The following AMBN variants were observed in gnomAD, a reference collection of about 807,000 sequenced individuals.
AMBN encodes ameloblastin.
A neutral mutation model predicts 48.0 loss-of-function variants in AMBN; 54 were observed. The observed-to-expected ratio is 1.12, with a 90% CI of 0.90 to 1.41. The LOEUF is 1.41. AMBN is among the 40% of genes most tolerant of loss of function. The pLI is 0.00. For missense variants in AMBN, 571 were observed against 547.3 expected (o/e 1.04, Z -0.43); for synonymous variants, 186 against 190.0 (o/e 0.98, Z 0.17).
At chr4:70,593,692 C>G (rs1056057170) in intron 2 of AMBN, among the ~76,000 whole-genome samples, 11 of 152,108 alleles carry the variant, frequency 7.2e-5, no homozygotes, top group Non-Finnish European at 1.5e-4. Flanking sequence ...TGGCTAAACC[C>G]TGTCTCTACT....
At position 70,603,249 on chromosome 4, in the gene AMBN, A is replaced by G. The variant is rs1364746808; in HGVS notation, c.649-11A>G. On this transcript the variant is annotated splice_polypyrimidine_tract_variant and intron_variant, in intron 9 of 12. Coordinates refer to ENST00000322937, the MANE Select transcript of AMBN (RefSeq NM_016519.6). ...GTGAGAATTACTTATTCTGTTTTCT[A>G]CCATTTAAAGATTTTCCAAATAGCC... 6.2e-7 allele frequency: 1 copy of G among 1,611,842 alleles called. No homozygotes were observed. The highest frequency in any genetic ancestry group is 2.2e-5 in the East Asian group (1 of 44,742).
In AMBN at chr4:70,603,131, G is replaced by T. The variant is rs1737563681; in HGVS notation, c.648+121G>T. On this transcript the variant is annotated intron_variant, in intron 9 of 12. Transcript: ENST00000322937. Reference sequence around the variant, plus strand: ...AATATGAAGTATAATGGGTTCCTTTGTTCTCTTAAATATTAAATACTTATT... The same window carrying T: ...AATATGAAGTATAATGGGTTCCTTTTTTCTCTTAAATATTAAATACTTATT... The T allele has an allele frequency of 2.9e-6, 4 of 1,363,236 alleles. No individual in the cohort carries two copies. In the South Asian group the frequency reaches 5.4e-5, roughly 18 times the overall value. 84.4% of individuals were successfully genotyped at this position (1,363,236 alleles called of 1,614,324 possible).
rs760307757 is a variant in AMBN at position 70,595,924 on chromosome 4, G to A, written c.85-1075G>A. Among the ~76,000 whole-genome samples, 7 of 152,322 alleles carry A rather than the reference G, an allele frequency of 4.6e-5. 1 individual carries two copies. The highest frequency in any genetic ancestry group is 1.5e-5 in the Non-Finnish European group (1 of 68,034). ...TCATCCTGGCACTTTGGGAGGCCAA[G>A]GCAGGAGGATTACTTGAGCTCAGGA... is the stretch of plus-strand genomic sequence containing the variant. On this transcript the variant is annotated intron_variant, in intron 2 of 12. Coordinates refer to ENST00000322937, the MANE Select transcript of AMBN (RefSeq NM_016519.6).
rs138033439 is a variant in AMBN, at chr4:70,592,495, G to A, written c.15+122G>A. 54 of 1,086,436 alleles carry A rather than the reference G, an allele frequency of 5.0e-5. No individual in the cohort carries two copies. The African/African-American group carries it at 8.3e-4, about 17-fold the overall frequency. The allele number at this position is 1,086,436 out of a possible 1,614,324, so 67.3% of individuals were successfully genotyped here. A position where few individuals can be genotyped will look rare whatever the true frequency, so the allele number is the denominator to read the frequency against. On this transcript the variant is annotated intron_variant, in intron 1 of 12. Transcript: ENST00000322937. ...ACCAGTAGCTGAATTATTGCTTGTT[G>A]TAATCCATTAGCATGTCCCAGAGAT...
In AMBN at chr4:70,592,314, T is replaced by G. The variant is rs763317455; in HGVS notation, c.-45T>G. The G allele has an allele frequency of 6.2e-7, 1 of 1,611,568 alleles. No homozygotes were observed. The highest frequency in any genetic ancestry group is 1.1e-5 in the South Asian group (1 of 90,870). On this transcript the variant is annotated 5_prime_UTR_variant, in exon 1 of 13. Transcript: ENST00000322937. ...GAAAAAAATTTTAATCTTCTTTTCTTAGAACTATCTTGGTTGGCATCATCA... is the reference window on the plus strand; with the variant it reads ...GAAAAAAATTTTAATCTTCTTTTCTGAGAACTATCTTGGTTGGCATCATCA...
At position 70,592,289 on chromosome 4, in the gene AMBN, G is replaced by GA. The variant is rs1487918357; in HGVS notation, c.-63dup. 2.2e-5 allele frequency: 35 copies of GA among 1,571,840 alleles called. No individual in the cohort carries two copies. Among genetic ancestry groups the GA allele is most frequent in the Non-Finnish European group, 3.0e-5 (34 of 1,143,396 alleles). On this transcript the variant is annotated 5_prime_UTR_variant, in exon 1 of 13. Coordinates refer to ENST00000322937, the MANE Select transcript of AMBN (RefSeq NM_016519.6). ...CAGAGCAAGTCCCACGCACAGTCCT[G>GA]AAAAAAATTTTAATCTTCTTTTCTT...
chr4:70,602,583 T>C (rs1471908810), intron 6 of AMBN, 41 bp from the exon 7 acceptor site: 9 of 1,447,998 alleles, frequency 6.2e-6, no homozygotes, highest in Non-Finnish European at 8.4e-6. Context: ...CTATTTTGTT[T>C]ATTTTTTGAC....
At chr4:70,604,271 C>A (rs6605353) in intron 12 of AMBN, among the ~76,000 whole-genome samples, 2 of 151,952 alleles carry the variant, frequency 1.3e-5, no homozygotes, top group Admixed American at 6.5e-5. Flanking sequence ...TTTCTGGGAC[C>A]ATTTAACCCC....
At chr4:70,599,249 T>C (rs554658250) in intron 4 of AMBN, among the ~76,000 whole-genome samples, 24 of 152,156 alleles carry the variant, frequency 1.6e-4, no homozygotes, top group African/African-American at 5.5e-4. Flanking sequence ...AAGACCATCC[T>C]GGCCAACACG....
intron 2 of AMBN, among the ~76,000 whole-genome samples, chr4:70,596,266 T>C (rs1737383275): frequency 7.2e-6 from 1 of 138,950 alleles, no homozygotes; most frequent in African/African-American, 2.7e-5. Context: ...GGTGACACAG[T>C]GAAACTTAGT....
At chr4:70,598,520 C>A in intron 4 of AMBN, 117 bp downstream of exon 4, 1 of 760,222 alleles carries the variant, frequency 1.3e-6, no homozygotes, top group Non-Finnish European at 1.9e-6. Flanking sequence ...TTGGAAGAAC[C>A]AAGAAGTAAA....
chr4:70,603,297 T>C lies in AMBN; in HGVS notation c.686T>C (p.Met229Thr), dbSNP rs760956903. Residue 229 changes from methionine (M) to threonine (T), a missense_variant, in exon 10 of 13, where the codon ATG (methionine) becomes ACG (threonine). By Grantham distance (81) the Met-to-Thr change is moderately conservative (BLOSUM62 -1). Transcript: ENST00000322937. ...GCCCGTTTGATTTCTCACGGACCAA[T>C]GCCACAAAATAAACAATCTCCAGTA... The part of the protein sequence containing the change: ...QIARLISHGP[M>T]PQNKQSPLYP... The C allele has an allele frequency of 6.2e-7, 1 of 1,613,662 alleles. No individual in the cohort carries two copies. The highest frequency in any genetic ancestry group is 1.3e-5 in the African/African-American group (1 of 74,916).
intron 4 of AMBN, among the ~76,000 whole-genome samples, chr4:70,598,680 A>G (rs954643293): frequency 4.6e-5 from 7 of 151,370 alleles, no homozygotes; most frequent in African/African-American, 7.3e-5. Flanking sequence ...ATCTCAAACA[A>G]TTTATGCAAA....
rs1737289645 is a variant in AMBN at position 70,592,266 on chromosome 4, G to A, written c.-93G>A. On this transcript the variant is annotated 5_prime_UTR_variant, in exon 1 of 13. Coordinates refer to ENST00000322937, the MANE Select transcript of AMBN (RefSeq NM_016519.6). Reference sequence around the variant, plus strand: ...TAATCTTCCCTGAATGAGAAGTACAGAGCAAGTCCCACGCACAGTCCTGAA... The same window carrying A: ...TAATCTTCCCTGAATGAGAAGTACAAAGCAAGTCCCACGCACAGTCCTGAA... The A allele has an allele frequency of 2.4e-6, 3 of 1,259,162 alleles. No individual in the cohort carries two copies. Among genetic ancestry groups the A allele is most frequent in the African/African-American group, 1.5e-5 (1 of 66,760 alleles). 78.0% of individuals were successfully genotyped at this position (1,259,162 alleles called of 1,614,324 possible). A position where few individuals can be genotyped will look rare whatever the true frequency, so the allele number is the denominator to read the frequency against.
rs368409993 is a variant in AMBN at position 70,603,846 on chromosome 4, G to A, written c.754-31G>A. Reference sequence around the variant, plus strand: ...GAGTAGATAAGAAGGTAGCTGGTTCGTAATTTGACGCAATATTTCTTTTTG... The same window carrying A: ...GAGTAGATAAGAAGGTAGCTGGTTCATAATTTGACGCAATATTTCTTTTTG... On this transcript the variant is annotated intron_variant, in intron 11 of 12. Coordinates refer to ENST00000322937, the MANE Select transcript of AMBN (RefSeq NM_016519.6). 1.1e-4 allele frequency: 181 copies of A among 1,613,082 alleles called. No individual in the cohort carries two copies. In the African/African-American group the frequency reaches 2.0e-3, roughly 18 times the overall value.
Position 70,606,254 on chromosome 4 carries a change from G to C in AMBN, c.868G>C (p.Glu290Gln). The change falls in exon 13 of 13, where the codon GAG (glutamate) becomes CAG (glutamine). Residue 290 changes from glutamate (E) to glutamine (Q), a missense_variant. Physicochemically the swap from Glu to Gln is conservative, Grantham distance 29. Coordinates refer to ENST00000322937, the MANE Select transcript of AMBN (RefSeq NM_016519.6). Reference sequence around the variant, plus strand: ...ATTTGGAGGCATGAGGCCCGGCTTTGAGGGAATGCCCCACAACCCAGCTAT... The same window carrying C: ...ATTTGGAGGCATGAGGCCCGGCTTTCAGGGAATGCCCCACAACCCAGCTAT... Reference protein sequence around the residue: ...PGFGGMRPGFEGMPHNPAMGG... With the variant: ...PGFGGMRPGFQGMPHNPAMGG... 1 of 1,614,114 alleles carries C rather than the reference G, an allele frequency of 6.2e-7. No homozygotes were observed. Among genetic ancestry groups the C allele is most frequent in the Non-Finnish European group, 8.5e-7 (1 of 1,180,008 alleles).
intron 1 of AMBN, 46 bp from the exon 2 acceptor site, chr4:70,593,280 GA>G: frequency 6.7e-7 from 1 of 1,486,996 alleles, no homozygotes; most frequent in Non-Finnish European, 9.3e-7. Context: ...TAACCATTCT[GA>G]ATAAAAATTC....
At chr4:70,592,442 T>G in intron 1 of AMBN, 69 bp downstream of exon 1, 1 of 1,538,878 alleles carries the variant, frequency 6.5e-7, no homozygotes. Context: ...CTGACAGCTT[T>G]TATAAAGAGG....
chr4:70,593,385 T>C lies in AMBN; in HGVS notation c.74T>C (p.Phe25Ser). Residue 25 changes from phenylalanine (F) to serine (S), a missense_variant, in exon 2 of 13, where the codon TTT (phenylalanine) becomes TCT (serine). Phe to Ser is a radical substitution (Grantham distance 155). Coordinates refer to ENST00000322937, the MANE Select transcript of AMBN (RefSeq NM_016519.6). Reference protein sequence around the residue: ...ILILCLLEMSFAVPFFPQQSG... With the variant: ...ILILCLLEMSSAVPFFPQQSG... Reference sequence around the variant, plus strand: ...ATCCTATGCCTCCTGGAAATGAGTTTTGCAGTGCCGGTAAGTCAGTCTTTA... The same window carrying C: ...ATCCTATGCCTCCTGGAAATGAGTTCTGCAGTGCCGGTAAGTCAGTCTTTA... The C allele has an allele frequency of 6.2e-7, 1 of 1,612,432 alleles. No homozygotes were observed. The highest frequency in any genetic ancestry group is 8.5e-7 in the Non-Finnish European group (1 of 1,178,654).
Sources: allele counts gnomAD v4.1 joint callset (sites outside exome capture counted in the v4.1 genomes callset), GRCh38; gene constraint gnomAD v4.1.1; transcripts MANE v1.5; gene names NCBI Gene and HGNC (gene_info 2026-07-23, HGNC 2026-07-21).